The following PRKN variants were observed in gnomAD, a reference collection of about 807,000 sequenced individuals.
The protein encoded by PRKN is parkin RBR E3 ubiquitin protein ligase.
In PRKN, 56 loss-of-function variants were observed where a neutral mutation model predicts 59.5. The ratio of observed to expected loss-of-function variants is 0.94; its 90% CI spans 0.76 to 1.18. The LOEUF is 1.18. Ranked by LOEUF, PRKN falls within the 50% of genes most tolerant of loss-of-function variation. PRKN has a pLI of 0.00. For synonymous variants in PRKN, 250 were observed against 222.1 expected (o/e 1.13, Z -1.12); for missense variants, 657 against 596.4 (o/e 1.10, Z -1.06).
At chr6:162,531,848 T>C (rs1778527801) in intron 1 of PRKN, among the ~76,000 whole-genome samples, 1 of 149,536 alleles carries the variant, frequency 6.7e-6, no homozygotes, top group African/African-American at 2.5e-5. Context: ...TTTGCAAAGG[T>C]GGTTTCACTT....
intron 1 of PRKN, among the ~76,000 whole-genome samples, chr6:162,474,029 A>ATTTTGTAATT: frequency 6.6e-6 from 1 of 152,316 alleles, no homozygotes; most frequent in South Asian, 2.1e-4. Context: ...AATGTAATTA[A>ATTTTGTAATT]AGGTAATGTG....
chr6:162,262,487 A>T (rs1779932134), intron 3 of PRKN, 38 bp downstream of exon 3: 4 of 1,613,480 alleles, frequency 2.5e-6, no homozygotes, highest in African/African-American at 1.3e-5. Context: ...TAAACAAACA[A>T]ACAAAATGCT....
At chr6:162,273,327 C>T (rs771568135) in intron 2 of PRKN, among the ~76,000 whole-genome samples, 7 of 150,782 alleles carry the variant, frequency 4.6e-5, no homozygotes, top group Admixed American at 6.6e-5. Context: ...AAATGTTTCA[C>T]AAAATCACAA....
chr6:162,721,936 A>G (rs1778954807), intron 1 of PRKN, among the ~76,000 whole-genome samples: 1 of 152,228 alleles, frequency 6.6e-6, no homozygotes, highest in Admixed American at 6.5e-5. Flanking sequence ...CGAGAATCAA[A>G]TGAACAAAAG....
intron 2 of PRKN, among the ~76,000 whole-genome samples, chr6:162,431,435 T>C (rs1248038276): frequency 1.3e-5 from 2 of 152,024 alleles, no homozygotes; most frequent in African/African-American, 4.8e-5. Context: ...TGTAAAACTA[T>C]TTATAGGTCA....
chr6:162,426,109 C>T (rs918837199), intron 2 of PRKN, among the ~76,000 whole-genome samples: 1 of 152,144 alleles, frequency 6.6e-6, no homozygotes, highest in African/African-American at 2.4e-5. Context: ...TCCTGTAATT[C>T]AGAAAATAAG....
chr6:162,527,975 T>G (rs1181347474), intron 1 of PRKN, among the ~76,000 whole-genome samples: 1 of 150,132 alleles, frequency 6.7e-6, no homozygotes, highest in African/African-American at 2.5e-5. Context: ...CAGCTCAGTC[T>G]TCAGGAACAA....
chr6:161,422,011 G>A (rs934610127), intron 9 of PRKN, among the ~76,000 whole-genome samples: 17 of 152,074 alleles, frequency 1.1e-4, no homozygotes, highest in Non-Finnish European at 2.5e-4. Flanking sequence ...TCTGTTTAAC[G>A]AGTTATCATT....
At chr6:162,551,073 T>C (rs866547903) in intron 1 of PRKN, among the ~76,000 whole-genome samples, 3 of 152,198 alleles carry the variant, frequency 2.0e-5, no homozygotes, top group African/African-American at 4.8e-5. Flanking sequence ...AGTGATCTAG[T>C]GATCTGATGC....
At chr6:161,781,851 C>T (rs959744813) in intron 7 of PRKN, among the ~76,000 whole-genome samples, 5 of 152,144 alleles carry the variant, frequency 3.3e-5, no homozygotes, top group Admixed American at 2.6e-4. Flanking sequence ...AAGAAACATA[C>T]AGCCAACTAC....
intron 9 of PRKN, among the ~76,000 whole-genome samples, chr6:161,406,491 C>A (rs1484500878): frequency 1.3e-5 from 2 of 152,086 alleles, no homozygotes; most frequent in Non-Finnish European, 1.5e-5. Flanking sequence ...TTGATAGGAA[C>A]TTCCTATTTT....
chr6:162,679,876 G>C (rs1779703140), intron 1 of PRKN, among the ~76,000 whole-genome samples: 1 of 152,190 alleles, frequency 6.6e-6, no homozygotes, highest in South Asian at 2.1e-4. Context: ...GAACAGGCCA[G>C]TGAGGTCAGA....
chr6:162,232,786 A>C (rs544599809), intron 3 of PRKN, among the ~76,000 whole-genome samples: 18 of 152,282 alleles, frequency 1.2e-4, no homozygotes, highest in East Asian at 9.6e-4. Flanking sequence ...CTATGCATTT[A>C]TATGTTACAG....
chr6:162,123,686 T>C (rs1781011609), intron 4 of PRKN, among the ~76,000 whole-genome samples: 1 of 152,218 alleles, frequency 6.6e-6, no homozygotes, highest in South Asian at 2.1e-4. Flanking sequence ...AGTTATTTTT[T>C]ATTAGGTATA....
At chr6:161,351,106 TA>T (rs1446692222) in intron 11 of PRKN, among the ~76,000 whole-genome samples, 1 of 123,148 alleles carries the variant, frequency 8.1e-6, no homozygotes, top group South Asian at 2.3e-4. Context: ...TATTTATATT[TA>T]AAATATATAT....
Position 162,290,128 on chromosome 6 carries a change from C to T in PRKN, c.172-27363G>A, listed in dbSNP as rs1583321854. On this transcript the variant is annotated intron_variant, in intron 2 of 11. Transcript: ENST00000366898. ...AGAGGAAGAATCCAAGACTCCTTCACTTTATCCCCAGTCCACAGACCGACC... is the reference window on the plus strand; with the variant it reads ...AGAGGAAGAATCCAAGACTCCTTCATTTTATCCCCAGTCCACAGACCGACC... 2.6e-5 allele frequency among the ~76,000 whole-genome samples: 4 copies of T among 152,268 alleles called. No homozygotes were observed. The South Asian group carries it at 8.3e-4, about 32-fold the overall frequency.
chr6:162,402,062 C>G lies in PRKN; in HGVS notation c.171+41248G>C, dbSNP rs116524479. Among the ~76,000 whole-genome samples, 4 of 151,866 alleles carry G rather than the reference C, an allele frequency of 2.6e-5. No homozygotes were observed. The South Asian group carries it at 8.3e-4, about 32-fold the overall frequency. ...GCCAGGAATTCAAGACCAGCCTGGC[C>G]GACATGGCAAAACCCAGTCTCTACC... is the stretch of plus-strand genomic sequence containing the variant. On this transcript the variant is annotated intron_variant, in intron 2 of 11. Transcript: ENST00000366898.
chr6:162,722,929 G>C (rs989184779), intron 1 of PRKN, among the ~76,000 whole-genome samples: 1 of 152,092 alleles, frequency 6.6e-6, no homozygotes, highest in Non-Finnish European at 1.5e-5. Flanking sequence ...CTTTAGTAGA[G>C]CCTATTTTTG....
rs1476337553 is a variant in PRKN at position 162,584,439 on chromosome 6, C to A, written c.8-140966G>T. On this transcript the variant is annotated intron_variant, in intron 1 of 11. Coordinates refer to ENST00000366898, the MANE Select transcript of PRKN (RefSeq NM_004562.3). Reference sequence around the variant, plus strand: ...ACATTCAGAAAAATTAGAATTCCTGCCTTGCCCCTAAAAAGAATTTAAACA... The same window carrying A: ...ACATTCAGAAAAATTAGAATTCCTGACTTGCCCCTAAAAAGAATTTAAACA... Among the ~76,000 whole-genome samples the A allele has an allele frequency of 2.6e-5, 4 of 151,960 alleles. No homozygotes were observed. In the East Asian group the frequency reaches 7.8e-4, roughly 29 times the overall value.
Sources: allele counts gnomAD v4.1 joint callset (sites outside exome capture counted in the v4.1 genomes callset), GRCh38; gene constraint gnomAD v4.1.1; transcripts MANE v1.5; gene names NCBI Gene and HGNC (gene_info 2026-07-23, HGNC 2026-07-21).